The following RSF1 variants were observed in gnomAD, a reference collection of about 807,000 sequenced individuals.
RSF1 encodes the protein remodeling and spacing factor 1.
A neutral mutation model predicts 145.2 loss-of-function variants in RSF1; 13 were observed. The observed-to-expected ratio is 0.09, with a 90% CI of 0.06 to 0.14. RSF1 has a LOEUF of 0.14. Among genes scored for constraint, RSF1 ranks in the 10% least tolerant of loss-of-function variants. RSF1 has a pLI of 1.00. For synonymous variants in RSF1, 577 were observed against 592.6 expected (o/e 0.97, Z 0.38); for missense variants, 1,517 against 1,718.2 (o/e 0.88, Z 2.07).
chr11:77,683,766 G>A lies in RSF1; in HGVS notation c.3009C>T (p.Ser1003=). 1.2e-6 allele frequency: 2 copies of A among 1,613,108 alleles called. No homozygotes were observed. Among genetic ancestry groups the A allele is most frequent in the Admixed American group, 3.3e-5 (2 of 59,998 alleles). Residue 1003 remains serine, a synonymous_variant, in exon 11 of 16, where the codon TCC becomes TCT. Coordinates refer to ENST00000308488, the MANE Select transcript of RSF1 (RefSeq NM_016578.4). ...QEEKKKDSKK[S]KANLLERRST... ...ACCTCCTTTCAAGCAAGTTTGCTTT[G>A]GATTTTTTTGAATCTTTTTTCTTTT...
At chr11:77,750,364 T>C (rs900098405) in intron 2 of RSF1, among the ~76,000 whole-genome samples, 2 of 152,204 alleles carry the variant, frequency 1.3e-5, no homozygotes, top group African/African-American at 2.4e-5. Flanking sequence ...AAATCAGCCA[T>C]AGAATATACA....
In RSF1 at chr11:77,661,020, A is replaced by C. The variant is rs1213595117; in HGVS notation, c.*5897T>G. 6.6e-6 allele frequency: 1 copy of C among 152,198 alleles called. No individual in the cohort carries two copies. Among genetic ancestry groups the C allele is most frequent in the Non-Finnish European group, 1.5e-5 (1 of 68,016 alleles). The allele number at this position is 152,198 out of a possible 1,614,324, so 9.4% of individuals were successfully genotyped here. A position where few individuals can be genotyped will look rare whatever the true frequency, so the allele number is the denominator to read the frequency against. ...AGAATCAGAAGTTCTACAAGATTTC[A>C]AAATACTTAGTGAATAAGGAAGGAA... On this transcript the variant is annotated 3_prime_UTR_variant, in exon 16 of 16. Transcript: ENST00000308488.
intron 5 of RSF1, among the ~76,000 whole-genome samples, chr11:77,713,051 A>C (rs1960724173): frequency 6.6e-6 from 1 of 152,178 alleles, no homozygotes; most frequent in Non-Finnish European, 1.5e-5. Context: ...ACATTTTGAA[A>C]TCAAAATCTG....
At chr11:77,806,798 A>G (rs541896953) in intron 1 of RSF1, among the ~76,000 whole-genome samples, 12 of 152,284 alleles carry the variant, frequency 7.9e-5, no homozygotes, top group Admixed American at 7.9e-4. Context: ...ACAAGGGAGG[A>G]GGGGGTGAGA....
Position 77,668,501 on chromosome 11 carries a change from C to A in RSF1, c.3752-1010G>T, listed in dbSNP as rs544326224. Among the ~76,000 whole-genome samples, 6 of 152,326 alleles carry A rather than the reference C, an allele frequency of 3.9e-5. No homozygotes were observed. The South Asian group carries it at 1.2e-3, about 32-fold the overall frequency. On this transcript the variant is annotated intron_variant, in intron 15 of 15. Coordinates refer to ENST00000308488, the MANE Select transcript of RSF1 (RefSeq NM_016578.4). ...CAACTCTCATCTTAGTTATTAGACG[C>A]CCTTGGTAGTCTTAATTGTCTTCTC...
At chr11:77,667,829 G>A (rs1260178589) in intron 15 of RSF1, among the ~76,000 whole-genome samples, 4 of 151,440 alleles carry the variant, frequency 2.6e-5, no homozygotes, top group African/African-American at 7.3e-5. Context: ...TCAGCCTCCC[G>A]AGTAGCTGGG....
At chr11:77,809,029 C>A (rs1313247330) in intron 1 of RSF1, among the ~76,000 whole-genome samples, 3 of 152,132 alleles carry the variant, frequency 2.0e-5, no homozygotes, top group African/African-American at 2.4e-5. Context: ...CCTGTGGGGA[C>A]AAAACACTGG....
intron 1 of RSF1, among the ~76,000 whole-genome samples, chr11:77,766,013 G>A (rs902985251): frequency 4.6e-5 from 7 of 152,094 alleles, no homozygotes; most frequent in African/African-American, 1.7e-4. Context: ...CTCCCAAAAT[G>A]CTGGGATTAC....
intron 5 of RSF1, among the ~76,000 whole-genome samples, chr11:77,708,506 A>T (rs1960605356): frequency 6.6e-6 from 1 of 152,200 alleles, no homozygotes; most frequent in South Asian, 2.1e-4. Context: ...AATGCTTTGC[A>T]TTTCATATCC....
At chr11:77,722,266 A>G (rs111310678) in intron 5 of RSF1, among the ~76,000 whole-genome samples, 4 of 152,182 alleles carry the variant, frequency 2.6e-5, no homozygotes, top group African/African-American at 7.2e-5. Flanking sequence ...TCCCTCACAG[A>G]CCATTTTCTC....
chr11:77,759,412 C>T lies in RSF1; in HGVS notation c.279+5186G>A, dbSNP rs1310172607. Among the ~76,000 whole-genome samples the T allele has an allele frequency of 4.6e-5, 7 of 151,810 alleles. No individual in the cohort carries two copies. In the South Asian group the frequency reaches 1.0e-3, roughly 23 times the overall value. On this transcript the variant is annotated intron_variant, in intron 2 of 15. Coordinates refer to ENST00000308488, the MANE Select transcript of RSF1 (RefSeq NM_016578.4). The stretch of plus-strand genomic sequence containing the variant: ...ATGAAAATGCTAAGGCTGGGCGTAG[C>T]GGCTCACACCTGTAATCCCAGCATT...
intron 2 of RSF1, among the ~76,000 whole-genome samples, chr11:77,755,479 GGTAT>G (rs1948106373): frequency 6.6e-6 from 1 of 152,074 alleles, no homozygotes; most frequent in African/African-American, 2.4e-5. Flanking sequence ...TAAAGATGAT[GGTAT>G]GTATCAGACA....
chr11:77,858,302 CTTTT>C, the RSF1 span, among the ~76,000 whole-genome samples: 3 of 69,348 alleles, frequency 4.3e-5, no homozygotes, highest in Non-Finnish European at 7.5e-5. Flanking sequence ...TTAAGCAATT[CTTTT>C]TTTTTTTTTT....
At chr11:77,851,938 A>G in the RSF1 span, among the ~76,000 whole-genome samples, 3 of 152,210 alleles carry the variant, frequency 2.0e-5, no homozygotes, top group African/African-American at 4.8e-5. Flanking sequence ...CCAACAAATT[A>G]TAAAAGAAAT....
At chr11:77,682,542 T>C (rs1007539404) in intron 11 of RSF1, among the ~76,000 whole-genome samples, 1 of 152,214 alleles carries the variant, frequency 6.6e-6, no homozygotes. Context: ...ACAGTGACCA[T>C]GGAAAAAATC....
chr11:77,870,562 C>A, the RSF1 span, among the ~76,000 whole-genome samples: 7 of 152,164 alleles, frequency 4.6e-5, no homozygotes, highest in Middle Eastern at 6.8e-3. Flanking sequence ...TGGTCTTGAT[C>A]TCCTGACCTC....
intron 5 of RSF1, among the ~76,000 whole-genome samples, chr11:77,708,454 A>T (rs1164940245): frequency 1.3e-5 from 2 of 152,198 alleles, no homozygotes; most frequent in Non-Finnish European, 2.9e-5. Context: ...AATCAAAAAA[A>T]GCCAGTGATG....
chr11:77,662,922 T>G lies in RSF1; in HGVS notation c.*3995A>C, dbSNP rs184411040. 6.6e-6 allele frequency: 1 copy of G among 152,344 alleles called. No homozygotes were observed. Among genetic ancestry groups the G allele is most frequent in the Admixed American group, 6.5e-5 (1 of 15,296 alleles). 9.4% of individuals were successfully genotyped at this position (152,344 alleles called of 1,614,324 possible). A position where few individuals can be genotyped will look rare whatever the true frequency, so the allele number is the denominator to read the frequency against. On this transcript the variant is annotated 3_prime_UTR_variant, in exon 16 of 16. Coordinates refer to ENST00000308488, the MANE Select transcript of RSF1 (RefSeq NM_016578.4). ...TTCTGTAATTAAATGATGTTCATAATATTTGTATCTGTTGCAATGCAGCCA... is the reference window on the plus strand; with the variant it reads ...TTCTGTAATTAAATGATGTTCATAAGATTTGTATCTGTTGCAATGCAGCCA...
chr11:77,820,219 G>A (rs1166841556), intron 1 of RSF1, among the ~76,000 whole-genome samples: 2 of 152,138 alleles, frequency 1.3e-5, no homozygotes, highest in African/African-American at 2.4e-5. Context: ...CCTCCGCCGC[G>A]GAGAAGCAGT....
Sources: gnomAD v4.1 joint callset for allele counts (sites outside exome capture counted in the v4.1 genomes callset) on GRCh38, gnomAD v4.1.1 for gene constraint, MANE v1.5 for transcripts, NCBI Gene and HGNC (gene_info 2026-07-23, HGNC 2026-07-21) for gene names.